The following FHL5 variants were observed in gnomAD, a reference collection of about 807,000 sequenced individuals.
The protein encoded by FHL5 is four and a half LIM domains protein 5.
In FHL5, 33 loss-of-function variants were observed where a neutral mutation model predicts 32.0. The ratio of observed to expected loss-of-function variants is 1.03; its 90% CI spans 0.78 to 1.38. The LOEUF is 1.38. FHL5 is among the 40% of genes most tolerant of loss of function. The pLI is 0.00. For missense variants in FHL5, 336 were observed against 343.9 expected (o/e 0.98, Z 0.18); for synonymous variants, 114 against 113.6 (o/e 1.00, Z -0.02).
rs755833299 is a variant in FHL5 at position 96,610,743 on chromosome 6, T to C, written c.676T>C (p.Ser226Pro). ...HLYANKCVAC[S>P]KPISGLTGAK... is the part of the protein sequence containing the mutation. Reference sequence around the variant, plus strand: ...TTATGCCAACAAGTGTGTAGCCTGTTCCAAACCCATTAGTGGTGAGTTCTT... The same window carrying C: ...TTATGCCAACAAGTGTGTAGCCTGTCCCAAACCCATTAGTGGTGAGTTCTT... The change falls in exon 5 of 6, where the codon TCC (serine) becomes CCC (proline). Residue 226 changes from serine (S) to proline (P), a missense_variant. Coordinates refer to ENST00000450218, the MANE Select transcript of FHL5 (RefSeq NM_001322466.2). 33 of 1,612,416 alleles carry C rather than the reference T, an allele frequency of 2.0e-5. No individual in the cohort carries two copies. Among genetic ancestry groups the C allele is most frequent in the Non-Finnish European group, 2.7e-5 (32 of 1,178,894 alleles).
In FHL5 at chr6:96,617,670, T is replaced by C. The variant is rs906309989; in HGVS notation, c.*1898T>C. ...GAAAACCAAGCCACTTAGGTTTAGA[T>C]AGATATATAACATGTAACATCTTCT... On this transcript the variant is annotated 3_prime_UTR_variant, in exon 6 of 6. Coordinates refer to ENST00000450218, the MANE Select transcript of FHL5 (RefSeq NM_001322466.2). Among the ~76,000 whole-genome samples the C allele has an allele frequency of 3.3e-5, 5 of 152,202 alleles. No homozygotes were observed. Among genetic ancestry groups the C allele is most frequent in the African/African-American group, 1.2e-4 (5 of 41,450 alleles).
intron 1 of FHL5, among the ~76,000 whole-genome samples, chr6:96,594,682 A>G (rs1312710825): frequency 6.6e-6 from 1 of 151,906 alleles, no homozygotes; most frequent in Non-Finnish European, 1.5e-5. Context: ...TTGGGTTTAA[A>G]ATGTATCATA....
intron 1 of FHL5, among the ~76,000 whole-genome samples, chr6:96,590,092 A>G (rs184568581): frequency 3.3e-5 from 5 of 152,152 alleles, no homozygotes; most frequent in African/African-American, 1.2e-4. Flanking sequence ...TATCTGACTT[A>G]GCAAGTCTTC....
chr6:96,570,082 C>T (rs936732650), intron 1 of FHL5, among the ~76,000 whole-genome samples: 4 of 151,752 alleles, frequency 2.6e-5, no homozygotes, highest in African/African-American at 7.3e-5. Context: ...GAGCTTTATA[C>T]TTTTGGTGTG....
chr6:96,565,094 AAAAT>A (rs146524042), intron 1 of FHL5, among the ~76,000 whole-genome samples: 8,438 of 152,166 alleles, frequency 0.055, 689 homozygotes, highest in African/African-American at 0.18. Context: ...ATTTAAAATA[AAAAT>A]AAATAATCAG....
intron 3 of FHL5, 103 bp downstream of exon 3, chr6:96,605,027 G>C (rs1771242972): frequency 1.4e-6 from 1 of 728,254 alleles, no homozygotes. Context: ...CTGGTTTTGA[G>C]AAAGATATCT....
At chr6:96,597,336 G>T (rs572068736) in intron 1 of FHL5, among the ~76,000 whole-genome samples, 95 of 150,478 alleles carry the variant, frequency 6.3e-4, no homozygotes, top group Non-Finnish European at 1.0e-3. Context: ...AAGGGGAATA[G>T]CTCATTGATT....
Position 96,598,815 on chromosome 6 carries a change from C to G in FHL5, c.-12-4787C>G, listed in dbSNP as rs137903356. Among the ~76,000 whole-genome samples the G allele has an allele frequency of 3.3e-4, 50 of 152,286 alleles. No homozygotes were observed. The East Asian group carries it at 7.1e-3, about 22-fold the overall frequency. ...TGCTAGATCATAAGCTCTCTGCAGA[C>G]AGTGTGTCTATTTTTATATCCTTTA... On this transcript the variant is annotated intron_variant, in intron 1 of 5. Transcript: ENST00000450218.
Position 96,618,016 on chromosome 6 carries a change from G to A in FHL5, c.*2244G>A, listed in dbSNP as rs907924602. On this transcript the variant is annotated 3_prime_UTR_variant, in exon 6 of 6. Transcript: ENST00000450218. ...CTGGAGTTGTAGGAGGATGGATCATGGTATGGAAATGCAGAAGTGCCTGAT... is the reference window on the plus strand; with the variant it reads ...CTGGAGTTGTAGGAGGATGGATCATAGTATGGAAATGCAGAAGTGCCTGAT... Among the ~76,000 whole-genome samples the A allele has an allele frequency of 1.3e-5, 2 of 152,180 alleles. No homozygotes were observed. The highest frequency in any genetic ancestry group is 2.9e-5 in the Non-Finnish European group (2 of 68,032).
chr6:96,592,541 T>G (rs1381240200), intron 1 of FHL5, among the ~76,000 whole-genome samples: 1 of 152,020 alleles, frequency 6.6e-6, no homozygotes, highest in African/African-American at 2.4e-5. Context: ...ACATACATCC[T>G]CCTCAGCTTA....
At chr6:96,569,058 C>T (rs1025715089) in intron 1 of FHL5, among the ~76,000 whole-genome samples, 9 of 151,730 alleles carry the variant, frequency 5.9e-5, no homozygotes, top group Admixed American at 5.9e-4. Context: ...TATCTTTCTA[C>T]TTTTTTGATA....
chr6:96,610,720 A>T lies in FHL5; in HGVS notation c.653A>T (p.Tyr218Phe), dbSNP rs1412512601. ...TGCGTGGACTGCTACAACCATCTTT[A>T]TGCCAACAAGTGTGTAGCCTGTTCC... ...PFCVDCYNHL[Y>F]ANKCVACSKP... Residue 218 changes from tyrosine to phenylalanine, a missense_variant, in exon 5 of 6, where the codon TAT becomes TTT. Transcript: ENST00000450218. The T allele has an allele frequency of 1.2e-6, 2 of 1,613,964 alleles. No individual in the cohort carries two copies. Among genetic ancestry groups the T allele is most frequent in the East Asian group, 2.2e-5 (1 of 44,874 alleles).
At chr6:96,571,954 A>G (rs1222270599) in intron 1 of FHL5, among the ~76,000 whole-genome samples, 2 of 152,074 alleles carry the variant, frequency 1.3e-5, no homozygotes, top group Admixed American at 6.5e-5. Flanking sequence ...TCCCTGGGTG[A>G]CAGGTGGGTA....
intron 4 of FHL5, 120 bp from the exon 5 acceptor site, chr6:96,610,452 C>CA: frequency 1.5e-6 from 1 of 674,698 alleles, no homozygotes. Flanking sequence ...ATGAAATGAT[C>CA]TTTTTTTTTT....
chr6:96,598,079 C>A (rs1300532562), intron 1 of FHL5, among the ~76,000 whole-genome samples: 1 of 152,140 alleles, frequency 6.6e-6, no homozygotes, highest in African/African-American at 2.4e-5. Flanking sequence ...TAAAATTACC[C>A]CAAATGTGGT....
rs909324516 is a variant in FHL5, at chr6:96,578,757, G to A, written c.-13+15402G>A. Reference sequence around the variant, plus strand: ...CTCCGGAGGCTGAGACACAAGAATCGCTTGAACCTGGGAGGCGGAAGCTGC... The same window carrying A: ...CTCCGGAGGCTGAGACACAAGAATCACTTGAACCTGGGAGGCGGAAGCTGC... On this transcript the variant is annotated intron_variant, in intron 1 of 5. Transcript: ENST00000450218. Among the ~76,000 whole-genome samples the A allele has an allele frequency of 2.6e-5, 4 of 152,208 alleles. No individual in the cohort carries two copies. The East Asian group carries it at 5.8e-4, about 22-fold the overall frequency.
intron 1 of FHL5, among the ~76,000 whole-genome samples, chr6:96,576,872 C>A (rs1267096200): frequency 6.6e-6 from 1 of 152,162 alleles, no homozygotes; most frequent in East Asian, 1.9e-4. Context: ...TAAATTGTAA[C>A]CATATTTAGC....
intron 4 of FHL5, among the ~76,000 whole-genome samples, chr6:96,608,922 T>C (rs1381436067): frequency 1.3e-5 from 2 of 152,230 alleles, no homozygotes; most frequent in Non-Finnish European, 2.9e-5. Context: ...AATACATTTT[T>C]CAAGTTTCAG....
At chr6:96,585,533 A>G (rs1770779584) in intron 1 of FHL5, among the ~76,000 whole-genome samples, 1 of 152,166 alleles carries the variant, frequency 6.6e-6, no homozygotes, top group South Asian at 2.1e-4. Flanking sequence ...AGTAAAATTT[A>G]CAGATCATAT....
Sources: allele counts gnomAD v4.1 joint callset (sites outside exome capture counted in the v4.1 genomes callset), GRCh38; gene constraint gnomAD v4.1.1; transcripts MANE v1.5; gene names NCBI Gene and HGNC (gene_info 2026-07-23, HGNC 2026-07-21).